The following TNFRSF8 variants were observed in gnomAD, a reference collection of about 807,000 sequenced individuals.
TNFRSF8 encodes TNF receptor superfamily member 8, also known as tumor necrosis factor receptor superfamily member 8.
A neutral mutation model predicts 70.8 loss-of-function variants in TNFRSF8; 26 were observed. The observed-to-expected ratio is 0.37, with a 90% CI of 0.27 to 0.51. TNFRSF8 has a LOEUF of 0.51. Among genes scored for constraint, TNFRSF8 ranks in the 20% least tolerant of loss-of-function variants. The pLI is 0.94. For synonymous variants in TNFRSF8, 356 were observed against 339.2 expected, an observed-to-expected ratio of 1.05 and a Z score of -0.54; for missense variants, 720 against 807.9, an observed-to-expected ratio of 0.89 and a Z score of 1.32.
intron 1 of TNFRSF8, among the ~76,000 whole-genome samples, chr1:12,075,593 G>A (rs1442373102): frequency 1.3e-5 from 2 of 152,144 alleles, no homozygotes; most frequent in East Asian, 1.9e-4. Flanking sequence ...GAAAGTCAGC[G>A]GGTTCACAAC....
At chr1:12,081,867 A>G (rs1289740948) in intron 1 of TNFRSF8, among the ~76,000 whole-genome samples, 1 of 151,846 alleles carries the variant, frequency 6.6e-6, no homozygotes, top group African/African-American at 2.4e-5. Flanking sequence ...CCCACATCGC[A>G]CCAGGGGCCA....
Position 12,113,781 on chromosome 1 carries a change from G to C in TNFRSF8, c.793+1767G>C, listed in dbSNP as rs894080448. 6.6e-5 allele frequency among the ~76,000 whole-genome samples: 10 copies of C among 152,094 alleles called. No homozygotes were observed. The highest frequency in any genetic ancestry group is 2.0e-4 in the Admixed American group (3 of 15,260). On this transcript the variant is annotated intron_variant, in intron 7 of 14. Transcript: ENST00000263932. This position sits in a 1 kb window ranked among gnomAD's most constrained non-coding sequence, Gnocchi z 4.9. ...AGAGAGAGACAGAAAGAGAGAGAGA[G>C]AGACAGACAGAGGCAGCAGCCACCC...
rs1440457751 is a variant in TNFRSF8 at position 12,142,654 on chromosome 1, G to T, written c.*123G>T. Reference sequence around the variant, plus strand: ...GCCTGAACTGAGGCTCCAGCATCTAGTGGTGGACCGGCCGGTCACTGCAGG... The same window carrying T: ...GCCTGAACTGAGGCTCCAGCATCTATTGGTGGACCGGCCGGTCACTGCAGG... On this transcript the variant is annotated 3_prime_UTR_variant, in exon 15 of 15. Coordinates refer to ENST00000263932, the MANE Select transcript of TNFRSF8 (RefSeq NM_001243.5). The surrounding 1 kb of genome is among the most constrained non-coding windows in gnomAD (Gnocchi z 5.0). The T allele has an allele frequency of 1.5e-6, 2 of 1,315,282 alleles. No individual in the cohort carries two copies. Among genetic ancestry groups the T allele is most frequent in the Non-Finnish European group, 1.0e-6 (1 of 980,648 alleles). 81.5% of individuals were successfully genotyped at this position (1,315,282 alleles called of 1,614,324 possible).
chr1:12,093,846 C>T (rs546875699), intron 2 of TNFRSF8, among the ~76,000 whole-genome samples: 123 of 151,952 alleles, frequency 8.1e-4, no homozygotes, highest in African/African-American at 2.7e-3. Flanking sequence ...CAAGGCGGGA[C>T]GGATCATGAG....
rs145716143 is a variant in TNFRSF8 at position 12,085,395 on chromosome 1, C to T, written c.151+844C>T. Among the ~76,000 whole-genome samples, 316 of 152,304 alleles carry T rather than the reference C, an allele frequency of 2.1e-3. 3 individuals carry two copies. Among genetic ancestry groups the T allele is most frequent in the Non-Finnish European group, 2.6e-3 (176 of 68,030 alleles). On this transcript the variant is annotated intron_variant, in intron 2 of 14. Transcript: ENST00000263932. The stretch of plus-strand genomic sequence containing the variant: ...AAAGTGCTGGGATTACAGGCATGAA[C>T]CAACGTGCCCGGCCTAATTTTTTTA...
intron 3 of TNFRSF8, among the ~76,000 whole-genome samples, chr1:12,103,756 G>A (rs527630881): frequency 1.1e-4 from 17 of 152,254 alleles, no homozygotes; most frequent in African/African-American, 4.1e-4. Flanking sequence ...GCCTCCCAAA[G>A]TGCTGGGATT....
chr1:12,125,864 C>T, intron 10 of TNFRSF8, 87 bp from the exon 11 acceptor site: 1 of 1,025,594 alleles, frequency 9.8e-7, no homozygotes, highest in Non-Finnish European at 1.6e-6. Flanking sequence ...AAGCTGTGTC[C>T]CAGGAGAAGG....
chr1:12,094,304 G>A (rs144911898), intron 2 of TNFRSF8, among the ~76,000 whole-genome samples: 202 of 152,282 alleles, frequency 1.3e-3, no homozygotes, highest in Non-Finnish European at 2.4e-3. Flanking sequence ...ATCATGATGT[G>A]AAGGCTGAGT....
At chr1:12,121,161 A>G (rs1641822466) in intron 8 of TNFRSF8, among the ~76,000 whole-genome samples, 1 of 152,242 alleles carries the variant, frequency 6.6e-6, no homozygotes, top group Non-Finnish European at 1.5e-5. Flanking sequence ...ATTAACGAGC[A>G]TGTAGGAACC....
At chr1:12,085,756 A>G (rs1485970334) in intron 2 of TNFRSF8, among the ~76,000 whole-genome samples, 1 of 152,184 alleles carries the variant, frequency 6.6e-6, no homozygotes, top group African/African-American at 2.4e-5. Context: ...CATTTTGTAG[A>G]TGATGCTTAG....
intron 2 of TNFRSF8, among the ~76,000 whole-genome samples, chr1:12,089,086 G>A (rs1641202628): frequency 6.6e-6 from 1 of 152,124 alleles, no homozygotes. Flanking sequence ...CACAGAGCGA[G>A]ATTCTATCTC....
At chr1:12,091,810 A>G (rs1641252489) in intron 2 of TNFRSF8, among the ~76,000 whole-genome samples, 1 of 152,226 alleles carries the variant, frequency 6.6e-6, no homozygotes, top group South Asian at 2.1e-4. Context: ...AAGGGGGGTC[A>G]GGGATGGTTT....
intron 1 of TNFRSF8, among the ~76,000 whole-genome samples, chr1:12,079,951 T>C: frequency 3.3e-5 from 1 of 30,676 alleles, no homozygotes; most frequent in South Asian, 1.2e-3. Flanking sequence ...AATTCTCTAT[T>C]TTTTTTTTTT....
At chr1:12,068,054 G>A (rs1640773377) in intron 1 of TNFRSF8, among the ~76,000 whole-genome samples, 1 of 152,076 alleles carries the variant, frequency 6.6e-6, no homozygotes, top group Non-Finnish European at 1.5e-5. Flanking sequence ...GGAAGGAGGG[G>A]CGTTTACTGT....
At chr1:12,139,135 C>G (rs1642209669) in intron 14 of TNFRSF8, among the ~76,000 whole-genome samples, 2 of 152,176 alleles carry the variant, frequency 1.3e-5, no homozygotes, top group Non-Finnish European at 2.9e-5. Context: ...GGCATTTTCC[C>G]CAAAATGTAT....
intron 1 of TNFRSF8, among the ~76,000 whole-genome samples, chr1:12,075,511 T>C (rs1195084083): frequency 1.3e-5 from 2 of 152,190 alleles, no homozygotes; most frequent in African/African-American, 4.8e-5. Context: ...CTCTTCTGCC[T>C]CCCTCTTGCA....
intron 13 of TNFRSF8, among the ~76,000 whole-genome samples, chr1:12,136,870 C>CTTTTTTTTTTTTT (rs201470263): frequency 8.4e-6 from 1 of 118,692 alleles, no homozygotes; most frequent in African/African-American, 3.1e-5. Flanking sequence ...ATACTCAGTT[C>CTTTTTTTTTTTTT]TTTTTTTTTT....
At chr1:12,114,740 G>A (rs190157768) in intron 7 of TNFRSF8, among the ~76,000 whole-genome samples, 41 of 77,432 alleles carry the variant, frequency 5.3e-4, no homozygotes, top group Admixed American at 1.3e-3. Context: ...ACAGAGTCTT[G>A]TTCTGTCGCC....
At chr1:12,115,551 C>T in intron 7 of TNFRSF8, 26 bp from the exon 8 acceptor site, 1 of 1,614,178 alleles carries the variant, frequency 6.2e-7, no homozygotes, top group South Asian at 1.1e-5. Context: ...TGATCTTTCT[C>T]CGTGATCCTC....
Sources: gnomAD v4.1 joint callset for allele counts (sites outside exome capture counted in the v4.1 genomes callset) on GRCh38, gnomAD v4.1.1 for gene constraint, Gnocchi (gnomAD v3.1) non-coding constraint, MANE v1.5 for transcripts, NCBI Gene and HGNC (gene_info 2026-07-23, HGNC 2026-07-21) for gene names.